LHFPL2: variants seen among roughly 807,000 people sequenced by gnomAD.
LHFPL2 encodes LHFPL tetraspan subfamily member 2 protein.
A neutral mutation model predicts 17.5 loss-of-function variants in LHFPL2; 7 were observed. The observed-to-expected ratio is 0.40, with a 90% CI of 0.23 to 0.75. The LOEUF is 0.75. LHFPL2 is among the 30% of genes least tolerant of loss of function. The probability of loss-of-function intolerance (pLI) is 0.37; values close to 1 mark genes in which losing one functional copy is unlikely to be tolerated. For missense variants in LHFPL2, 241 were observed against 294.8 expected, an observed-to-expected ratio of 0.82 and a Z score of 1.34; for synonymous variants, 134 against 116.2, an observed-to-expected ratio of 1.15 and a Z score of -0.99.
intron 2 of LHFPL2, among the ~76,000 whole-genome samples, chr5:78,599,275 G>A (rs1199810156): frequency 2.0e-5 from 3 of 152,072 alleles, no homozygotes; most frequent in African/African-American, 4.8e-5. Context: ...GATTGAAAGC[G>A]AAGAATAAAC....
chr5:78,580,033 C>A (rs1364282791), intron 2 of LHFPL2, among the ~76,000 whole-genome samples: 1 of 152,184 alleles, frequency 6.6e-6, no homozygotes, highest in Non-Finnish European at 1.5e-5. Flanking sequence ...TTTTTAATGA[C>A]TGCCATTCTA....
chr5:78,550,366 C>T (rs1303541316), intron 3 of LHFPL2, among the ~76,000 whole-genome samples: 1 of 152,128 alleles, frequency 6.6e-6, no homozygotes, highest in Non-Finnish European at 1.5e-5. Context: ...CAAACTCAAA[C>T]CAAGGATTCA....
chr5:78,589,394 C>T (rs952640981), intron 2 of LHFPL2, among the ~76,000 whole-genome samples: 3 of 149,898 alleles, frequency 2.0e-5, no homozygotes, highest in South Asian at 2.1e-4. Context: ...CGCTTGAACC[C>T]GGGAGGCAGA....
At chr5:78,638,373 A>C (rs1745537919) in intron 1 of LHFPL2, among the ~76,000 whole-genome samples, 1 of 152,140 alleles carries the variant, frequency 6.6e-6, no homozygotes, top group South Asian at 2.1e-4. Context: ...TAACAATAAT[A>C]AATAATAAAT....
At chr5:78,629,409 C>T (rs975895600) in intron 2 of LHFPL2, among the ~76,000 whole-genome samples, 13 of 152,176 alleles carry the variant, frequency 8.5e-5, no homozygotes, top group African/African-American at 2.9e-4. Flanking sequence ...CTACCTAGTC[C>T]AAGTAAATGG....
At chr5:78,547,136 T>A (rs1048004341) in intron 3 of LHFPL2, among the ~76,000 whole-genome samples, 3 of 152,092 alleles carry the variant, frequency 2.0e-5, no homozygotes, top group African/African-American at 7.2e-5. Context: ...AGGGCGCTGA[T>A]CTAAACCATC....
At position 78,494,802 on chromosome 5, in the gene LHFPL2, C is replaced by T. The variant is rs368059246; in HGVS notation, c.431-5649G>A. ...AGAGTTTCTTTGGGGAATCTAAATACGTGGTTTGCATTTAACAGAAATAAT... is the reference window on the plus strand; with the variant it reads ...AGAGTTTCTTTGGGGAATCTAAATATGTGGTTTGCATTTAACAGAAATAAT... On this transcript the variant is annotated intron_variant, in intron 4 of 4. Coordinates refer to ENST00000380345, the MANE Select transcript of LHFPL2 (RefSeq NM_005779.3). 7.2e-4 allele frequency among the ~76,000 whole-genome samples: 110 copies of T among 152,288 alleles called. 2 individuals carry two copies. The highest frequency in any genetic ancestry group is 8.8e-5 in the Non-Finnish European group (6 of 68,034).
At chr5:78,640,239 T>A (rs1054381405) in intron 1 of LHFPL2, among the ~76,000 whole-genome samples, 19 of 152,174 alleles carry the variant, frequency 1.2e-4, no homozygotes, top group African/African-American at 4.6e-4. Flanking sequence ...TAATTCAGTA[T>A]TTCTTATCAA....
At position 78,486,803 on chromosome 5, in the gene LHFPL2, C is replaced by T. The variant is rs1441244102; in HGVS notation, c.*2094G>A. On this transcript the variant is annotated 3_prime_UTR_variant, in exon 5 of 5. Transcript: ENST00000380345. ...AGGTGATGGACATGCTCGGAGGATC[C>T]TGTGAGCTTAGGACTTAACTTGTAA... 1.3e-5 allele frequency: 2 copies of T among 152,174 alleles called. No individual in the cohort carries two copies. Among genetic ancestry groups the T allele is most frequent in the Non-Finnish European group, 2.9e-5 (2 of 68,034 alleles). The allele number at this position is 152,174 out of a possible 1,614,324, so 9.4% of individuals were successfully genotyped here.
Position 78,488,842 on chromosome 5 carries a change from T to C in LHFPL2, c.*55A>G, listed in dbSNP as rs1561300583. 1.3e-6 allele frequency: 2 copies of C among 1,584,626 alleles called. No individual in the cohort carries two copies. The highest frequency in any genetic ancestry group is 1.7e-4 in the Middle Eastern group (1 of 5,876). The stretch of plus-strand genomic sequence containing the variant: ...CTCCACTTGACTCAAATGATGAAAC[T>C]GTGGACTGTTTCACAAGATTACTCA... On this transcript the variant is annotated 3_prime_UTR_variant, in exon 5 of 5. Transcript: ENST00000380345.
At chr5:78,635,631 T>C (rs938311451) in intron 1 of LHFPL2, among the ~76,000 whole-genome samples, 1 of 152,068 alleles carries the variant, frequency 6.6e-6, no homozygotes, top group African/African-American at 2.4e-5. Context: ...TGAAACCCCG[T>C]CTCTACTAAA....
rs1199192867 is a variant in LHFPL2, at chr5:78,487,489, TCTCA to T, written c.*1404_*1407del. On this transcript the variant is annotated 3_prime_UTR_variant, in exon 5 of 5. Coordinates refer to ENST00000380345, the MANE Select transcript of LHFPL2 (RefSeq NM_005779.3). ...TCCTTCCAGAAATCTGGCAGTTCCA[TCTCA>T]CTTTCTTAAAGTGCTAAGGAGTGTT... 6.6e-6 allele frequency: 1 copy of T among 152,254 alleles called. No individual in the cohort carries two copies. The highest frequency in any genetic ancestry group is 1.5e-5 in the Non-Finnish European group (1 of 68,046). 9.4% of individuals were successfully genotyped at this position (152,254 alleles called of 1,614,324 possible).
chr5:78,609,375 C>T (rs1237315846), intron 2 of LHFPL2, among the ~76,000 whole-genome samples: 2 of 135,734 alleles, frequency 1.5e-5, no homozygotes, highest in African/African-American at 5.4e-5. Flanking sequence ...CACTGGAACC[C>T]GGGAGGCAGA....
At chr5:78,583,984 TTTTA>T (rs907565587) in intron 2 of LHFPL2, among the ~76,000 whole-genome samples, 1 of 152,146 alleles carries the variant, frequency 6.6e-6, no homozygotes, top group African/African-American at 2.4e-5. Flanking sequence ...GTTCATTTCT[TTTTA>T]TTCTTTTTTC....
At chr5:78,557,595 G>T (rs1220877636) in intron 3 of LHFPL2, among the ~76,000 whole-genome samples, 1 of 152,222 alleles carries the variant, frequency 6.6e-6, no homozygotes, top group African/African-American at 2.4e-5. Flanking sequence ...CTGAGTCAAA[G>T]TTGCCTTCAT....
chr5:78,620,608 C>A (rs535539290), intron 2 of LHFPL2, among the ~76,000 whole-genome samples: 1 of 152,270 alleles, frequency 6.6e-6, no homozygotes, highest in South Asian at 2.1e-4. Flanking sequence ...TCTAGAGACA[C>A]TTTTCATGGT....
intron 3 of LHFPL2, among the ~76,000 whole-genome samples, chr5:78,512,817 T>C (rs1170442469): frequency 6.7e-6 from 1 of 150,364 alleles, no homozygotes; most frequent in African/African-American, 2.5e-5. Flanking sequence ...CAGGCTGGAG[T>C]GCAGTGGCAT....
intron 2 of LHFPL2, among the ~76,000 whole-genome samples, chr5:78,628,236 T>C (rs1209763146): frequency 6.6e-6 from 1 of 152,252 alleles, no homozygotes; most frequent in African/African-American, 2.4e-5. Context: ...CTGCCTTTTA[T>C]TCCTCAGTAA....
intron 3 of LHFPL2, among the ~76,000 whole-genome samples, chr5:78,516,980 C>T (rs1228880212): frequency 3.3e-5 from 5 of 152,218 alleles, no homozygotes; most frequent in Non-Finnish European, 5.9e-5. Context: ...GTTCAGAAAA[C>T]TGCATGGTTG....
Sources: gnomAD v4.1 joint callset for allele counts (sites outside exome capture counted in the v4.1 genomes callset) on GRCh38, gnomAD v4.1.1 for gene constraint, MANE v1.5 for transcripts, NCBI Gene and HGNC (gene_info 2026-07-23, HGNC 2026-07-21) for gene names.